DNAH12: variants seen among roughly 807,000 people sequenced by gnomAD.
The protein encoded by DNAH12 is axonemal beta dynein heavy chain 12.
Under a neutral mutation model 371.5 loss-of-function variants are expected in DNAH12, and 285 were observed. The ratio of observed to expected loss-of-function variants is 0.77; its 90% confidence interval spans 0.70 to 0.85. DNAH12 has a LOEUF of 0.85. DNAH12 is among the 40% of genes least tolerant of loss of function. The pLI is 0.00. For missense variants in DNAH12, 3,611 were observed against 3,689.4 expected (o/e 0.98, Z 0.55); for synonymous variants, 1,200 against 1,213.0 (o/e 0.99, Z 0.22).
chr3:57,499,647 A>AAATATATATAT (rs1451248906), intron 11 of DNAH12, among the ~76,000 whole-genome samples: 2 of 17,958 alleles, frequency 1.1e-4, no homozygotes, highest in Non-Finnish European at 2.4e-4. Flanking sequence ...AAAAAAAAAA[A>AAATATATATAT]ATATATATAT....
Position 57,334,931 on chromosome 3 carries a change from T to C in DNAH12, c.9684A>G (p.Lys3228=). The change falls in exon 61 of 74, where the codon AAA becomes AAG. Residue 3228 remains lysine, a synonymous_variant. Coordinates refer to ENST00000495027, the MANE Select transcript of DNAH12 (RefSeq NM_001366028.2). ...ACATCAGTTCCTGGTATTCAATCTC[T>C]TTCCTTGCCCTGTATTCCCAAAATA... is the stretch of plus-strand genomic sequence containing the variant. ...LLCANLLLAR[K]EIEYQELMFL... is the part of the protein sequence containing the mutation. The C allele has an allele frequency of 6.5e-7, 1 of 1,547,664 alleles. No homozygotes were observed. Among genetic ancestry groups the C allele is most frequent in the Non-Finnish European group, 8.7e-7 (1 of 1,145,998 alleles).
intron 43 of DNAH12, among the ~76,000 whole-genome samples, chr3:57,402,200 T>C (rs1415749492): frequency 6.6e-6 from 1 of 152,226 alleles, no homozygotes; most frequent in Non-Finnish European, 1.5e-5. Context: ...GATTCTACCA[T>C]TTCCGCCTAG....
chr3:57,447,044 T>C (rs1334885648), intron 25 of DNAH12, among the ~76,000 whole-genome samples: 1 of 152,154 alleles, frequency 6.6e-6, no homozygotes, highest in Non-Finnish European at 1.5e-5. Context: ...GATGGCTCAC[T>C]GCAAAGGGGG....
intron 70 of DNAH12, among the ~76,000 whole-genome samples, chr3:57,298,867 G>A (rs1464893178): frequency 1.3e-5 from 2 of 152,142 alleles, no homozygotes; most frequent in African/African-American, 4.8e-5. Flanking sequence ...GGCAGCTTCA[G>A]GGCAGGACTT....
At chr3:57,513,545 G>A (rs888734021) in intron 4 of DNAH12, among the ~76,000 whole-genome samples, 1 of 151,990 alleles carries the variant, frequency 6.6e-6, no homozygotes, top group African/African-American at 2.4e-5. Context: ...CCTTAAAAAT[G>A]GTTAAGATGG....
At chr3:57,486,476 A>T (rs926397402) in intron 12 of DNAH12, among the ~76,000 whole-genome samples, 1 of 152,116 alleles carries the variant, frequency 6.6e-6, no homozygotes, top group African/African-American at 2.4e-5. Context: ...AATATCAGGA[A>T]AAAACCATGT....
chr3:57,382,765 A>G (rs2063421159), intron 49 of DNAH12, among the ~76,000 whole-genome samples: 1 of 152,194 alleles, frequency 6.6e-6, no homozygotes, highest in East Asian at 1.9e-4. Context: ...TTGCTTATAT[A>G]TATTAGTTCT....
chr3:57,409,723 T>A (rs782195611), intron 39 of DNAH12, among the ~76,000 whole-genome samples: 21 of 152,092 alleles, frequency 1.4e-4, no homozygotes, highest in Non-Finnish European at 2.1e-4. Flanking sequence ...TGACTTAGCT[T>A]TGAAATTCGT....
At chr3:57,451,529 T>G (rs1363545023) in intron 25 of DNAH12, among the ~76,000 whole-genome samples, 2 of 152,230 alleles carry the variant, frequency 1.3e-5, no homozygotes, top group East Asian at 3.9e-4. Flanking sequence ...TCCCAGCTAC[T>G]TAGGAGGCTG....
At chr3:57,296,209 C>T (rs968496052) in intron 72 of DNAH12, 135 bp downstream of exon 72, 1 of 540,630 alleles carries the variant, frequency 1.8e-6, no homozygotes, top group Non-Finnish European at 3.0e-6. Flanking sequence ...CCCAGCTTGA[C>T]TAATAATTTA....
chr3:57,471,681 G>A, intron 14 of DNAH12, 75 bp from the exon 15 acceptor site: 3 of 1,249,938 alleles, frequency 2.4e-6, no homozygotes, highest in South Asian at 2.0e-5. Context: ...CAAATACTGT[G>A]TATAATAATA....
intron 52 of DNAH12, among the ~76,000 whole-genome samples, chr3:57,378,123 T>C (rs2063319066): frequency 6.6e-6 from 1 of 152,110 alleles, no homozygotes; most frequent in South Asian, 2.1e-4. Context: ...AGAGAAGACA[T>C]TGTTGCATAT....
At chr3:57,301,437 T>C (rs1337866649) in intron 70 of DNAH12, among the ~76,000 whole-genome samples, 1 of 152,040 alleles carries the variant, frequency 6.6e-6, no homozygotes, top group East Asian at 1.9e-4. Context: ...AAAATATAAA[T>C]GTCACATATT....
intron 62 of DNAH12, among the ~76,000 whole-genome samples, chr3:57,330,758 G>A (rs2153303649): frequency 6.6e-6 from 1 of 151,048 alleles, no homozygotes; most frequent in Non-Finnish European, 1.5e-5. Context: ...TTCCCCTGAG[G>A]AAGAGGACCT....
chr3:57,408,574 T>G, intron 39 of DNAH12, 39 bp from the exon 40 acceptor site: 1 of 1,472,426 alleles, frequency 6.8e-7, no homozygotes, highest in South Asian at 1.5e-5. Context: ...TTATCTGTTA[T>G]AAAGACATTA....
chr3:57,521,063 C>CAAA lies in DNAH12; in HGVS notation c.279+2517_279+2519dup, dbSNP rs61570396. Among the ~76,000 whole-genome samples the CAAA allele has an allele frequency of 4.8e-4, 26 of 54,474 alleles. 5 individuals carry two copies. The highest frequency in any genetic ancestry group is 8.9e-4 in the Non-Finnish European group (23 of 25,800). The allele number at this position is 54,474 out of a possible 152,430, so 35.7% of individuals were successfully genotyped here. ...TGGGCGACAAAGTGAGACTCTGTCTCAAAAAAAAAAAAAAAAAAAAAAAAA... is the reference window on the plus strand; with the variant it reads ...TGGGCGACAAAGTGAGACTCTGTCTCAAAAAAAAAAAAAAAAAAAAAAAAAAAA... On this transcript the variant is annotated intron_variant, in intron 4 of 73. Transcript: ENST00000495027.
At chr3:57,395,487 T>C (rs930262444) in intron 43 of DNAH12, among the ~76,000 whole-genome samples, 193 of 152,338 alleles carry the variant, frequency 1.3e-3, no homozygotes, top group African/African-American at 4.5e-3. Context: ...ATTTTTATAT[T>C]GTACACAAAA....
At chr3:57,447,534 C>T (rs575463427) in intron 25 of DNAH12, among the ~76,000 whole-genome samples, 1 of 152,066 alleles carries the variant, frequency 6.6e-6, no homozygotes, top group South Asian at 2.1e-4. Flanking sequence ...TGCTATGAAC[C>T]TAGAACTGCT....
intron 29 of DNAH12, among the ~76,000 whole-genome samples, chr3:57,442,564 T>G (rs1466344228): frequency 6.6e-6 from 1 of 152,168 alleles, no homozygotes; most frequent in African/African-American, 2.4e-5. Context: ...GATAAACATT[T>G]TTTGAAATCC....
Sources: allele counts gnomAD v4.1 joint callset (sites outside exome capture counted in the v4.1 genomes callset), GRCh38; gene constraint gnomAD v4.1.1; transcripts MANE v1.5; gene names NCBI Gene and HGNC (gene_info 2026-07-23, HGNC 2026-07-21).